The following SGCD variants were observed in gnomAD, a reference collection of about 807,000 sequenced individuals.
The protein encoded by SGCD is sarcoglycan delta, also known as delta-sarcoglycan.
A neutral mutation model predicts 36.6 loss-of-function variants in SGCD; 18 were observed. The ratio of observed to expected loss-of-function variants is 0.49; its 90% CI spans 0.34 to 0.73. The LOEUF is 0.73. Ranked by LOEUF, SGCD falls within the 30% of genes least tolerant of loss-of-function variation. SGCD has a pLI of 0.01. For missense variants in SGCD, 387 were observed against 346.7 expected (o/e 1.12, Z -0.92); for synonymous variants, 133 against 130.6 (o/e 1.02, Z -0.12).
chr5:156,048,583 G>T (rs1195037780), intron 1 of SGCD, among the ~76,000 whole-genome samples: 1 of 152,214 alleles, frequency 6.6e-6, no homozygotes, highest in African/African-American at 2.4e-5. Flanking sequence ...CAGTGATGAT[G>T]AGCATTTTTT....
At chr5:155,729,970 T>C in the SGCD span, among the ~76,000 whole-genome samples, 1 of 152,140 alleles carries the variant, frequency 6.6e-6, no homozygotes, top group Non-Finnish European at 1.5e-5. Flanking sequence ...CCAAAACTCA[T>C]AGTTTCGCTC....
chr5:156,470,110 A>G (rs1341279318), intron 3 of SGCD, among the ~76,000 whole-genome samples: 1 of 152,212 alleles, frequency 6.6e-6, no homozygotes, highest in Admixed American at 6.5e-5. Context: ...GTTCACTTGT[A>G]TGGTAAAACA....
At chr5:156,656,007 C>A (rs1266434411) in intron 7 of SGCD, among the ~76,000 whole-genome samples, 1 of 152,052 alleles carries the variant, frequency 6.6e-6, no homozygotes, top group Non-Finnish European at 1.5e-5. Context: ...GGATTCTGAT[C>A]CTACGAGAAT....
intron 3 of SGCD, among the ~76,000 whole-genome samples, chr5:156,413,308 C>T (rs1048884255): frequency 7.9e-5 from 12 of 152,110 alleles, no homozygotes; most frequent in Non-Finnish European, 1.3e-4. Flanking sequence ...CTGAGATGCA[C>T]GAGATGAGAA....
chr5:156,516,009 G>T (rs1306134038), intron 4 of SGCD, among the ~76,000 whole-genome samples: 3 of 152,238 alleles, frequency 2.0e-5, no homozygotes, highest in African/African-American at 7.2e-5. Context: ...TTTACAGACC[G>T]AACTCTAATC....
chr5:156,628,080 G>A (rs1762499837), intron 6 of SGCD, among the ~76,000 whole-genome samples: 1 of 152,174 alleles, frequency 6.6e-6, no homozygotes, highest in African/African-American at 2.4e-5. Context: ...ATGGTGGAAG[G>A]CAGAGGGGGA....
chr5:156,362,772 T>C lies in SGCD; in HGVS notation c.192+18095T>C, dbSNP rs181265661. ...GGATACTTGGGAGCATTTCATGACA[T>C]ATACTCTATTTGCTTTATTCAGAGT... On this transcript the variant is annotated intron_variant, in intron 3 of 8. Transcript: ENST00000337851. Among the ~76,000 whole-genome samples the C allele has an allele frequency of 1.9e-3, 287 of 152,336 alleles. 1 individual carries two copies. The highest frequency in any genetic ancestry group is 3.5e-3 in the Non-Finnish European group (241 of 68,036).
At chr5:155,891,429 C>T (rs1016105665) in intron 1 of SGCD, among the ~76,000 whole-genome samples, 2 of 152,022 alleles carry the variant, frequency 1.3e-5, no homozygotes, top group South Asian at 2.1e-4. Context: ...TATTAAGCTC[C>T]CTAGGTCCCC....
intron 1 of SGCD, among the ~76,000 whole-genome samples, chr5:155,921,182 G>C (rs1342039203): frequency 6.6e-6 from 1 of 152,086 alleles, no homozygotes; most frequent in African/African-American, 2.4e-5. Context: ...GTTGCAGAAA[G>C]GCCTCAAAAA....
the SGCD span, among the ~76,000 whole-genome samples, chr5:155,772,926 T>C: frequency 6.6e-6 from 1 of 152,138 alleles, no homozygotes; most frequent in Non-Finnish European, 1.5e-5. Context: ...AGTTGATTTA[T>C]AAACCAAAGC....
intron 7 of SGCD, among the ~76,000 whole-genome samples, chr5:156,657,368 G>A (rs1416339072): frequency 6.6e-6 from 1 of 151,276 alleles, no homozygotes; most frequent in Non-Finnish European, 1.5e-5. Flanking sequence ...TTAGCATTAG[G>A]TATATCTCCT....
the SGCD span, among the ~76,000 whole-genome samples, chr5:155,839,131 T>C: frequency 1.3e-5 from 2 of 152,162 alleles, no homozygotes; most frequent in African/African-American, 4.8e-5. Context: ...TTAAGGTGAA[T>C]GTTTGAAGAT....
At chr5:156,382,881 G>A (rs1370427901) in intron 3 of SGCD, among the ~76,000 whole-genome samples, 1 of 152,140 alleles carries the variant, frequency 6.6e-6, no homozygotes, top group East Asian at 1.9e-4. Context: ...TTCCTTATTA[G>A]ATTTTAATAA....
At chr5:155,823,154 A>T in the SGCD span, among the ~76,000 whole-genome samples, 2 of 151,662 alleles carry the variant, frequency 1.3e-5, no homozygotes, top group South Asian at 2.1e-4. Context: ...ATCTAAAAGG[A>T]GATTTATTAT....
chr5:156,463,901 A>G (rs1446789709), intron 3 of SGCD, among the ~76,000 whole-genome samples: 2 of 152,148 alleles, frequency 1.3e-5, no homozygotes, highest in Non-Finnish European at 2.9e-5. Flanking sequence ...GGCTATAGTG[A>G]GCCATGATCC....
chr5:155,899,955 CT>C (rs756785688), intron 1 of SGCD, among the ~76,000 whole-genome samples: 7 of 152,152 alleles, frequency 4.6e-5, no homozygotes, highest in Non-Finnish European at 1.0e-4. Flanking sequence ...TCTATTCATA[CT>C]TGAATGATGA....
chr5:156,591,810 G>C (rs1348119496), intron 5 of SGCD, among the ~76,000 whole-genome samples: 1 of 152,146 alleles, frequency 6.6e-6, no homozygotes, highest in Non-Finnish European at 1.5e-5. Context: ...TTTTTCTCTA[G>C]AGTCATTTTT....
At chr5:156,625,589 T>G (rs755947566) in intron 6 of SGCD, among the ~76,000 whole-genome samples, 1 of 152,170 alleles carries the variant, frequency 6.6e-6, no homozygotes, top group African/African-American at 2.4e-5. Context: ...AAAAGAATGA[T>G]GTAAAATCTG....
At chr5:155,748,376 A>C in the SGCD span, among the ~76,000 whole-genome samples, 2 of 152,032 alleles carry the variant, frequency 1.3e-5, no homozygotes, top group African/African-American at 4.8e-5. Flanking sequence ...ATCCTGATCA[A>C]TTCCTTGTAC....
Sources: gnomAD v4.1 joint callset for allele counts (sites outside exome capture counted in the v4.1 genomes callset) on GRCh38, gnomAD v4.1.1 for gene constraint, MANE v1.5 for transcripts, NCBI Gene and HGNC (gene_info 2026-07-23, HGNC 2026-07-21) for gene names.